The following TMEM200A variants were observed in gnomAD, a reference collection of about 807,000 sequenced individuals.
TMEM200A encodes the protein two transmembrane C.
In TMEM200A, 12 loss-of-function variants were observed where a neutral mutation model predicts 24.3. That is an observed-to-expected ratio of 0.49 (90% CI 0.32 to 0.80). The LOEUF is 0.80. Among genes scored for constraint, TMEM200A ranks in the 30% least tolerant of loss-of-function variants. The probability of loss-of-function intolerance (pLI) is 0.04; values close to 1 mark genes in which losing one functional copy is unlikely to be tolerated. For synonymous variants in TMEM200A, 224 were observed against 224.4 expected (o/e 1.00, Z 0.02); for missense variants, 545 against 614.4 (o/e 0.89, Z 1.19).
At chr6:130,377,593 C>T (rs922456589) in intron 1 of TMEM200A, among the ~76,000 whole-genome samples, 1 of 152,170 alleles carries the variant, frequency 6.6e-6, no homozygotes, top group Non-Finnish European at 1.5e-5. Flanking sequence ...ACCTAAGCTG[C>T]TCCTCCAAGT....
intron 1 of TMEM200A, among the ~76,000 whole-genome samples, chr6:130,367,356 A>G (rs183914210): frequency 2.3e-4 from 35 of 152,366 alleles, no homozygotes; most frequent in Non-Finnish European, 7.3e-5. Flanking sequence ...GGACAACTGC[A>G]TAGAAAACAT....
At chr6:130,400,169 T>C (rs1438291632) in intron 2 of TMEM200A, among the ~76,000 whole-genome samples, 1 of 152,020 alleles carries the variant, frequency 6.6e-6, no homozygotes, top group Non-Finnish European at 1.5e-5. Context: ...TTTGGGTTGG[T>C]TCCACGATTT....
intron 2 of TMEM200A, among the ~76,000 whole-genome samples, chr6:130,412,791 C>G (rs1161852078): frequency 6.6e-6 from 1 of 152,122 alleles, no homozygotes; most frequent in South Asian, 2.1e-4. Context: ...TAATGGTTTG[C>G]CAAACACAAA....
At chr6:130,382,160 C>T (rs575033617) in intron 1 of TMEM200A, among the ~76,000 whole-genome samples, 1 of 152,300 alleles carries the variant, frequency 6.6e-6, no homozygotes, top group East Asian at 1.9e-4. Flanking sequence ...ATTACTTCAC[C>T]TTGCAGAGCT....
intron 2 of TMEM200A, among the ~76,000 whole-genome samples, chr6:130,403,920 C>T (rs1040648543): frequency 1.4e-4 from 21 of 152,006 alleles, no homozygotes; most frequent in Non-Finnish European, 1.3e-4. Flanking sequence ...TGAGAAAATG[C>T]GGTATTTGGT....
intron 2 of TMEM200A, among the ~76,000 whole-genome samples, chr6:130,401,585 A>T (rs1359438473): frequency 2.7e-5 from 4 of 150,454 alleles, no homozygotes; most frequent in African/African-American, 7.3e-5. Flanking sequence ...ATCCTTGTAC[A>T]TATATTTTTG....
At chr6:130,368,357 C>G (rs1417016824) in intron 1 of TMEM200A, among the ~76,000 whole-genome samples, 2 of 152,088 alleles carry the variant, frequency 1.3e-5, no homozygotes, top group African/African-American at 2.4e-5. Flanking sequence ...AAGCAAATGT[C>G]AACTTTTACA....
intron 2 of TMEM200A, among the ~76,000 whole-genome samples, chr6:130,427,894 C>G (rs1583224592): frequency 6.6e-6 from 1 of 152,086 alleles, no homozygotes; most frequent in Admixed American, 6.6e-5. Flanking sequence ...TTTCTCTTGG[C>G]TTGCTATCTC....
chr6:130,399,955 G>A lies in TMEM200A; in HGVS notation c.-17+14719G>A, dbSNP rs560996412. ...ACAATGTTTGGTTTTGCATTCCTGAGTTACATCACTTAGAATAATAGTTTC... is the reference window on the plus strand; with the variant it reads ...ACAATGTTTGGTTTTGCATTCCTGAATTACATCACTTAGAATAATAGTTTC... On this transcript the variant is annotated intron_variant, in intron 2 of 2. Coordinates refer to ENST00000296978, the MANE Select transcript of TMEM200A (RefSeq NM_001258277.2). Among the ~76,000 whole-genome samples, 52 of 152,060 alleles carry A rather than the reference G, an allele frequency of 3.4e-4. No homozygotes were observed. The South Asian group carries it at 9.9e-3, about 29-fold the overall frequency.
chr6:130,412,978 C>T (rs563296283), intron 2 of TMEM200A, among the ~76,000 whole-genome samples: 2 of 152,268 alleles, frequency 1.3e-5, no homozygotes, highest in African/African-American at 2.4e-5. Context: ...ATATTTATAA[C>T]ATATCTTCTG....
chr6:130,440,287 T>G, intron 2 of TMEM200A, 120 bp from the exon 3 acceptor site: 1 of 995,584 alleles, frequency 1.0e-6, no homozygotes, highest in South Asian at 3.5e-5. Context: ...CTGCCCCATT[T>G]AATCACATGA....
intron 2 of TMEM200A, among the ~76,000 whole-genome samples, chr6:130,439,829 A>T (rs1194913113): frequency 1.3e-5 from 2 of 152,274 alleles, no homozygotes; most frequent in South Asian, 2.1e-4. Flanking sequence ...GGTAAGGAAG[A>T]TGAAAATTGA....
chr6:130,374,569 C>G (rs531275874), intron 1 of TMEM200A, among the ~76,000 whole-genome samples: 26 of 152,134 alleles, frequency 1.7e-4, no homozygotes, highest in Non-Finnish European at 3.5e-4. Context: ...GGGCACACCA[C>G]CACGCCAGGC....
intron 2 of TMEM200A, among the ~76,000 whole-genome samples, chr6:130,422,332 G>A (rs1030745436): frequency 2.6e-5 from 4 of 152,046 alleles, no homozygotes; most frequent in African/African-American, 7.2e-5. Flanking sequence ...GTAGTGGTGC[G>A]ATATCGACTC....
At chr6:130,405,041 C>A (rs1341087231) in intron 2 of TMEM200A, among the ~76,000 whole-genome samples, 1 of 152,090 alleles carries the variant, frequency 6.6e-6, no homozygotes, top group Non-Finnish European at 1.5e-5. Flanking sequence ...CAGTACCATG[C>A]TGTTTTACTG....
At chr6:130,420,509 TCA>T (rs1010157670) in intron 2 of TMEM200A, among the ~76,000 whole-genome samples, 1 of 152,126 alleles carries the variant, frequency 6.6e-6, no homozygotes. Context: ...ATCTCTCCAC[TCA>T]CATTTTTCTG....
intron 2 of TMEM200A, among the ~76,000 whole-genome samples, chr6:130,412,647 G>C (rs1779359404): frequency 6.6e-6 from 1 of 152,152 alleles, no homozygotes; most frequent in Non-Finnish European, 1.5e-5. Context: ...TGCTAGCCAA[G>C]CCCTAGCACC....
chr6:130,405,653 G>T (rs1281697337), intron 2 of TMEM200A, among the ~76,000 whole-genome samples: 1 of 152,112 alleles, frequency 6.6e-6, no homozygotes, highest in Non-Finnish European at 1.5e-5. Context: ...GGAGAAAATC[G>T]TGCAATTTAG....
In TMEM200A at chr6:130,441,526, G is replaced by A. The variant is rs1195151288; in HGVS notation, c.1104G>A (p.Gly368=). The change falls in exon 3 of 3, where the codon GGG becomes GGA. Residue 368 remains glycine (G), a synonymous_variant. Coordinates refer to ENST00000296978, the MANE Select transcript of TMEM200A (RefSeq NM_001258277.2). ...QYKSSMALGP[G]AGQLLSPGAA... ...AGTCATCTATGGCTCTCGGACCTGG[G>A]GCTGGACAGCTCTTGTCTCCTGGGG... is the stretch of plus-strand genomic sequence containing the variant. 1 of 1,614,028 alleles carries A rather than the reference G, an allele frequency of 6.2e-7. No homozygotes were observed. Among genetic ancestry groups the A allele is most frequent in the Non-Finnish European group, 8.5e-7 (1 of 1,179,980 alleles).
Sources: gnomAD v4.1 joint callset for allele counts (sites outside exome capture counted in the v4.1 genomes callset) on GRCh38, gnomAD v4.1.1 for gene constraint, MANE v1.5 for transcripts, NCBI Gene and HGNC (gene_info 2026-07-23, HGNC 2026-07-21) for gene names.